LRRK1: variants seen among roughly 807,000 people sequenced by gnomAD.
The protein encoded by LRRK1 is leucine-rich repeat serine/threonine-protein kinase 1.
In LRRK1, 113 loss-of-function variants were observed where a neutral mutation model predicts 209.1. That is an observed-to-expected ratio of 0.54 (90% CI 0.46 to 0.63). The LOEUF is 0.63. LRRK1 is among the 30% of genes least tolerant of loss of function. LRRK1 has a pLI of 0.00. For synonymous variants in LRRK1, 1,144 were observed against 1,099.7 expected (o/e 1.04, Z -0.80); for missense variants, 2,284 against 2,632.2 (o/e 0.87, Z 2.89).
At chr15:100,933,676 G>T (rs1439548297) in intron 2 of LRRK1, among the ~76,000 whole-genome samples, 5 of 151,712 alleles carry the variant, frequency 3.3e-5, no homozygotes, top group African/African-American at 1.2e-4. Flanking sequence ...ACAAAAATTA[G>T]CCGGGTATGG....
intron 20 of LRRK1, among the ~76,000 whole-genome samples, chr15:101,036,525 TTTGTA>T (rs2034500195): frequency 1.3e-5 from 2 of 152,208 alleles, no homozygotes; most frequent in Non-Finnish European, 2.9e-5. Flanking sequence ...TTCTGATTTC[TTTGTA>T]TTTTTTTTAG....
chr15:100,966,755 A>C (rs76919603), intron 2 of LRRK1, among the ~76,000 whole-genome samples: 309 of 152,352 alleles, frequency 2.0e-3, no homozygotes, highest in Middle Eastern at 3.4e-3. Flanking sequence ...CGAAACAGAT[A>C]AACACCACAA....
At chr15:100,933,955 A>G (rs1269329839) in intron 2 of LRRK1, among the ~76,000 whole-genome samples, 1 of 149,644 alleles carries the variant, frequency 6.7e-6, no homozygotes, top group Non-Finnish European at 1.5e-5. Context: ...GTTTATTTTC[A>G]TAGCGTTGTG....
intron 20 of LRRK1, among the ~76,000 whole-genome samples, chr15:101,030,416 G>T (rs2034230349): frequency 6.6e-6 from 1 of 152,188 alleles, no homozygotes; most frequent in Non-Finnish European, 1.5e-5. Flanking sequence ...GCCAAAGGAA[G>T]AATCCTCAGA....
chr15:101,049,001 C>T (rs528757932), intron 22 of LRRK1, among the ~76,000 whole-genome samples: 2 of 152,256 alleles, frequency 1.3e-5, no homozygotes, highest in Admixed American at 6.5e-5. Context: ...CCATCCTGCC[C>T]GTCCCCTTGT....
chr15:100,999,742 T>G (rs961221134), intron 6 of LRRK1, among the ~76,000 whole-genome samples: 1 of 152,270 alleles, frequency 6.6e-6, no homozygotes, highest in African/African-American at 2.4e-5. Flanking sequence ...ATACAATGTT[T>G]GTTTTTTCTC....
At chr15:100,973,635 T>C (rs1339982835) in intron 2 of LRRK1, among the ~76,000 whole-genome samples, 169 bp from the exon 3 acceptor site, 1 of 152,086 alleles carries the variant, frequency 6.6e-6, no homozygotes, top group African/African-American at 2.4e-5. Context: ...GGGTTGCGGG[T>C]CGCGGGGCGG....
In LRRK1 at chr15:101,046,519, C is replaced by G. The variant is rs572389423; in HGVS notation, c.3135+367C>G. Among the ~76,000 whole-genome samples, 222 of 152,334 alleles carry G rather than the reference C, an allele frequency of 1.5e-3. No homozygotes were observed. In the Middle Eastern group the frequency reaches 0.017, roughly 12 times the overall value. On this transcript the variant is annotated intron_variant, in intron 21 of 33. Coordinates refer to ENST00000388948, the MANE Select transcript of LRRK1 (RefSeq NM_024652.6). The stretch of plus-strand genomic sequence containing the variant: ...AAGAATTCACATTTCTATCCATTCC[C>G]CGAGGTGATGCCGCCGGCCCAGCAA...
Position 101,058,091 on chromosome 15 carries a change from C to T in LRRK1, c.4629C>T (p.Ser1543=). ...GGAAGCAGACAGCCTTCTTCTCATCCCAGGGCCAGGAGTACACCGTGGTGT... is the reference window on the plus strand; with the variant it reads ...GGAAGCAGACAGCCTTCTTCTCATCTCAGGGCCAGGAGTACACCGTGGTGT... ...CCGKQTAFFS[S]QGQEYTVVFW... The change falls in exon 29 of 34, where the codon TCC becomes TCT. Residue 1543 remains serine (S), a synonymous_variant. Coordinates refer to ENST00000388948, the MANE Select transcript of LRRK1 (RefSeq NM_024652.6). 6.2e-7 allele frequency: 1 copy of T among 1,614,154 alleles called. No homozygotes were observed. Among genetic ancestry groups the T allele is most frequent in the Non-Finnish European group, 8.5e-7 (1 of 1,180,026 alleles).
chr15:100,962,298 G>A (rs1031588483), intron 2 of LRRK1, among the ~76,000 whole-genome samples: 1 of 152,152 alleles, frequency 6.6e-6, no homozygotes, highest in African/African-American at 2.4e-5. Context: ...GGGAGGCCAA[G>A]GCGGGTGGAT....
intron 2 of LRRK1, among the ~76,000 whole-genome samples, chr15:100,950,108 A>G (rs74461511): frequency 0.05 from 7,557 of 152,346 alleles, 369 homozygotes; most frequent in African/African-American, 0.13. Context: ...AATATTCTAA[A>G]CAACACACAA....
At chr15:100,983,480 G>A in intron 3 of LRRK1, 48 bp from the exon 4 acceptor site, 1 of 1,512,218 alleles carries the variant, frequency 6.6e-7, no homozygotes, top group Non-Finnish European at 8.9e-7. Flanking sequence ...TGTCTTGGCA[G>A]TTCCTAATAG....
chr15:101,036,532 T>A (rs1423247754), intron 20 of LRRK1, among the ~76,000 whole-genome samples: 2 of 152,144 alleles, frequency 1.3e-5, no homozygotes, highest in African/African-American at 4.8e-5. Flanking sequence ...TTCTTTGTAT[T>A]TTTTTTAGAA....
chr15:100,997,116 T>C (rs2032457424), intron 6 of LRRK1, among the ~76,000 whole-genome samples: 1 of 151,726 alleles, frequency 6.6e-6, no homozygotes, highest in African/African-American at 2.4e-5. Flanking sequence ...GAGACATATA[T>C]ATATTTAAAA....
chr15:101,059,389 C>A (rs1023876578), intron 29 of LRRK1, among the ~76,000 whole-genome samples: 2 of 151,138 alleles, frequency 1.3e-5, no homozygotes, highest in African/African-American at 2.4e-5. Flanking sequence ...CAGAGTGAGA[C>A]CCTGCCTCAG....
At chr15:100,967,727 A>T (rs1174486190) in intron 2 of LRRK1, among the ~76,000 whole-genome samples, 1 of 152,122 alleles carries the variant, frequency 6.6e-6, no homozygotes, top group Non-Finnish European at 1.5e-5. Context: ...TATACCTACC[A>T]CTCAGATCAC....
rs775032287 is a variant in LRRK1, at chr15:100,988,635, T to A, written c.435T>A (p.Gly145=). 6.2e-7 allele frequency: 1 copy of A among 1,614,104 alleles called. No homozygotes were observed. Among genetic ancestry groups the A allele is most frequent in the South Asian group, 1.1e-5 (1 of 91,082 alleles). ...CTTTGTCCTGCCATCTCCTGCCAGG[T>A]CCCTGCAGTCCCCAGCGGCTTCTGA... ...VVQELLESLP[G]PCSPQRLLNW... is the part of the protein sequence containing the mutation. The change falls in exon 5 of 34, where the codon GGT becomes GGA. Residue 145 remains glycine, a splice_region_variant and synonymous_variant. Coordinates refer to ENST00000388948, the MANE Select transcript of LRRK1 (RefSeq NM_024652.6).
chr15:100,979,050 A>G (rs2031457505), intron 3 of LRRK1, among the ~76,000 whole-genome samples: 1 of 152,214 alleles, frequency 6.6e-6, no homozygotes, highest in Non-Finnish European at 1.5e-5. Flanking sequence ...GCCATGACCA[A>G]GTGGAATTTA....
At chr15:101,026,536 C>A (rs1156946907) in intron 17 of LRRK1, among the ~76,000 whole-genome samples, 4 of 152,218 alleles carry the variant, frequency 2.6e-5, no homozygotes, top group Non-Finnish European at 2.9e-5. Context: ...GTCCTGATAG[C>A]AGCCTTTGAG....
Sources: gnomAD v4.1 joint callset for allele counts (sites outside exome capture counted in the v4.1 genomes callset) on GRCh38, gnomAD v4.1.1 for gene constraint, MANE v1.5 for transcripts, NCBI Gene and HGNC (gene_info 2026-07-23, HGNC 2026-07-21) for gene names.